ASIP: variants seen among roughly 807,000 people sequenced by gnomAD.
The protein encoded by ASIP is agouti-signaling protein.
ASIP carries 11 observed loss-of-function variants against 10.3 expected under a neutral mutation model. The observed-to-expected ratio is 1.07, with a 90% CI of 0.68 to 1.78. The LOEUF (loss-of-function observed/expected upper bound fraction) is 1.78. Ranked by LOEUF, ASIP falls within the 40% of genes most tolerant of loss-of-function variation. ASIP has a pLI of 0.00. For synonymous variants in ASIP, 70 were observed against 70.8 expected (o/e 0.99, Z 0.06); for missense variants, 180 against 169.2 (o/e 1.06, Z -0.35).
rs1288358004 is a variant in ASIP at position 34,268,981 on chromosome 20, TC to T, written c.223-7del. ...GGCCGGCTCATAAAGCCCCGGCGTT[TC>T]CCACGCAGAAGGAGGCTTCGATGAA... On this transcript the variant is annotated splice_polypyrimidine_tract_variant and intron_variant, in intron 3 of 3. Coordinates refer to ENST00000374954, the MANE Select transcript of ASIP (RefSeq NM_001672.3). The T allele has an allele frequency of 2.5e-6, 4 of 1,597,550 alleles. No homozygotes were observed. In the African/African-American group the frequency reaches 5.4e-5, roughly 21 times the overall value.
At chr20:34,259,525 AAGAGTT>A (rs2035652527) in intron 1 of ASIP, among the ~76,000 whole-genome samples, 1 of 151,996 alleles carries the variant, frequency 6.6e-6, no homozygotes. Flanking sequence ...AAAAAATAAA[AAGAGTT>A]AGAAAATATA....
At chr20:34,190,656 T>C (rs1439503047), upstream of ASIP, among the ~76,000 whole-genome samples, 1 of 152,222 alleles carries the variant, frequency 6.6e-6, no homozygotes, top group Non-Finnish European at 1.5e-5. Context: ...TCCTTCGGAA[T>C]TCTGTATCTC....
chr20:34,192,523 T>TC (rs1427862002), upstream of ASIP, among the ~76,000 whole-genome samples: 2 of 148,074 alleles, frequency 1.4e-5, no homozygotes, highest in African/African-American at 4.9e-5. Flanking sequence ...TTCTTCTTCT[T>TC]TTTTTTTTTT....
chr20:34,248,374 G>A (rs960072130), intron 1 of ASIP, among the ~76,000 whole-genome samples: 1 of 152,088 alleles, frequency 6.6e-6, no homozygotes, highest in Non-Finnish European at 1.5e-5. Flanking sequence ...CCACTTTTAA[G>A]TTATAAAAAT....
intron 2 of ASIP, among the ~76,000 whole-genome samples, chr20:34,261,394 T>A (rs2035688400): frequency 6.6e-6 from 1 of 152,124 alleles, no homozygotes; most frequent in South Asian, 2.1e-4. Flanking sequence ...AGCACTTTCG[T>A]AGGCTGAGGC....
At chr20:34,244,014 G>A (rs540377118) in intron 1 of ASIP, among the ~76,000 whole-genome samples, 5 of 152,268 alleles carry the variant, frequency 3.3e-5, no homozygotes, top group Middle Eastern at 3.4e-3. Context: ...GCAGTGAGCC[G>A]AGATTGCGCC....
intron 3 of ASIP, among the ~76,000 whole-genome samples, chr20:34,266,870 G>T (rs1453570385): frequency 6.6e-6 from 1 of 152,154 alleles, no homozygotes; most frequent in Non-Finnish European, 1.5e-5. Context: ...TTCCCACTTT[G>T]GGAAATACTG....
In ASIP at chr20:34,269,164, C is replaced by CT; in HGVS notation, c.397dup (p.Ter133LeufsTer51). On this transcript the variant is annotated frameshift_variant, in exon 4 of 4. Coordinates refer to ENST00000374954, the MANE Select transcript of ASIP (RefSeq NM_001672.3). LOFTEE classifies it high-confidence loss of function. ...CCTGCCGCGTGCTCAGCCTCAACTG[C>CT]TGAGCGCCCCCACTCCCGGCCGCGA... is the stretch of plus-strand genomic sequence containing the variant. 6.6e-7 allele frequency: 1 copy of CT among 1,525,312 alleles called. No individual in the cohort carries two copies. Among genetic ancestry groups the CT allele is most frequent in the East Asian group, 2.6e-5 (1 of 39,088 alleles). 94.5% of individuals were successfully genotyped at this position (1,525,312 alleles called of 1,614,324 possible).
At chr20:34,222,168 A>G (rs1248587346) in intron 1 of ASIP, among the ~76,000 whole-genome samples, 3 of 152,124 alleles carry the variant, frequency 2.0e-5, no homozygotes, top group African/African-American at 7.2e-5. Context: ...GGATATAAAG[A>G]ATCTTTAGCT....
At chr20:34,201,025 T>C (rs375919176) in intron 1 of ASIP, among the ~76,000 whole-genome samples, 5,862 of 64,822 alleles carry the variant, frequency 0.09, 119 homozygotes, top group East Asian at 0.15. Context: ...TCCTTCTTTC[T>C]TTCTTTCTTT....
Position 34,214,830 on chromosome 20 carries a change from A to G in ASIP, c.-11+20070A>G, listed in dbSNP as rs2034997049. ...GATAATCATAACAAAATCCAATATT[A>G]GAAGAAATATCATCATCCTCATGAA... On this transcript the variant is annotated intron_variant, in intron 1 of 3. Transcript: ENST00000568305. 3 of 1,601,298 alleles carry G rather than the reference A, an allele frequency of 1.9e-6. No individual in the cohort carries two copies. In the African/African-American group the frequency reaches 4.0e-5, roughly 21 times the overall value.
chr20:34,215,576 G>A (rs2035002233), intron 1 of ASIP: 17 of 1,504,982 alleles, frequency 1.1e-5, no homozygotes, highest in Non-Finnish European at 1.5e-5. Flanking sequence ...GAGGACTTGG[G>A]CGGCTTTATT....
rs116649016 is a variant in ASIP at position 34,267,011 on chromosome 20, G to C, written c.223-1980G>C. On this transcript the variant is annotated intron_variant, in intron 3 of 3. Transcript: ENST00000374954. ...GTAGGATCTGGCACTGTGTGATCTT[G>C]AAAGTCCCTGCTCTTTTCTAGGCCT... Among the ~76,000 whole-genome samples the C allele has an allele frequency of 7.3e-3, 1,116 of 152,296 alleles. 10 individuals carry two copies. Among genetic ancestry groups the C allele is most frequent in the African/African-American group, 0.025 (1,051 of 41,566 alleles).
At chr20:34,193,432 CTTT>C (rs376572089), upstream of ASIP, among the ~76,000 whole-genome samples, 1 of 146,694 alleles carries the variant, frequency 6.8e-6, no homozygotes, top group Non-Finnish European at 1.5e-5. Flanking sequence ...TTTCTTCCAT[CTTT>C]TTTTTTTTCC....
At chr20:34,242,068 A>G (rs941142586) in intron 1 of ASIP, among the ~76,000 whole-genome samples, 1 of 152,076 alleles carries the variant, frequency 6.6e-6, no homozygotes, top group African/African-American at 2.4e-5. Context: ...AATGTTTTCA[A>G]TTGTAGGTGA....
chr20:34,199,283 A>G (rs898453019), intron 1 of ASIP, among the ~76,000 whole-genome samples: 8 of 152,154 alleles, frequency 5.3e-5, no homozygotes, highest in African/African-American at 1.7e-4. Context: ...CAGAAGCATT[A>G]GGAACATCTG....
chr20:34,195,130 GAA>G (rs547366092), intron 1 of ASIP, among the ~76,000 whole-genome samples: 1 of 135,544 alleles, frequency 7.4e-6, no homozygotes. Flanking sequence ...GAAGGTACCA[GAA>G]AAAAAAAAAA....
At chr20:34,211,048 G>A (rs909063468) in intron 1 of ASIP, among the ~76,000 whole-genome samples, 15 of 152,108 alleles carry the variant, frequency 9.9e-5, no homozygotes, top group African/African-American at 3.4e-4. Context: ...AAAGAGACAG[G>A]TCTTGCTCTG....
At chr20:34,213,515 C>A in intron 1 of ASIP, 1 of 1,485,542 alleles carries the variant, frequency 6.7e-7, no homozygotes, top group South Asian at 1.3e-5. Context: ...GCAGACTGGT[C>A]ATTTTCTTCT....
Sources: gnomAD v4.1 joint callset for allele counts (sites outside exome capture counted in the v4.1 genomes callset) on GRCh38, gnomAD v4.1.1 for gene constraint, MANE v1.5 for transcripts, NCBI Gene and HGNC (gene_info 2026-07-23, HGNC 2026-07-21) for gene names.